MYH6: variants seen among roughly 807,000 people sequenced by gnomAD.
MYH6 encodes the protein myosin-6.
A neutral mutation model predicts 223.2 loss-of-function variants in MYH6; 126 were observed. That is an observed-to-expected ratio of 0.56 (90% CI 0.49 to 0.65). MYH6 has a LOEUF of 0.65. Ranked by LOEUF, MYH6 falls within the 30% of genes least tolerant of loss-of-function variation. MYH6 has a pLI of 0.00. For synonymous variants in MYH6, 978 were observed against 1,010.2 expected (o/e 0.97, Z 0.61); for missense variants, 2,040 against 2,536.4 (o/e 0.80, Z 4.20).
intron 32 of MYH6, 86 bp from the exon 33 acceptor site, chr14:23,386,709 G>T (rs1891038866): frequency 6.8e-7 from 1 of 1,470,012 alleles, no homozygotes; most frequent in African/African-American, 1.4e-5. Flanking sequence ...TGTCAGCCAG[G>T]ACTATCGCCC....
chr14:23,394,351 G>A, intron 20 of MYH6, 28 bp from the exon 21 acceptor site: 1 of 1,613,866 alleles, frequency 6.2e-7, no homozygotes, highest in South Asian at 1.1e-5. Flanking sequence ...AGGCAGGGTG[G>A]GGCACTATAA....
chr14:23,402,663 T>C (rs762538927), intron 11 of MYH6, 34 bp downstream of exon 11: 3 of 1,612,306 alleles, frequency 1.9e-6, no homozygotes, highest in African/African-American at 1.3e-5. Flanking sequence ...GCTCCTGGGG[T>C]CCCTCGAACG....
chr14:23,405,526 T>C lies in MYH6; in HGVS notation c.345+101A>G. ...GGTGGAGGGGGGAAGGGGACTTGGGTCCCTTGGGAGTCTCTCCCCCTCTTC... is the reference window on the plus strand; with the variant it reads ...GGTGGAGGGGGGAAGGGGACTTGGGCCCCTTGGGAGTCTCTCCCCCTCTTC... On this transcript the variant is annotated intron_variant, in intron 4 of 38. Coordinates refer to ENST00000405093, the MANE Select transcript of MYH6 (RefSeq NM_002471.4). The surrounding 1 kb of genome is among the most constrained non-coding windows in gnomAD (Gnocchi z 4.7). 1 of 1,598,026 alleles carries C rather than the reference T, an allele frequency of 6.3e-7. No individual in the cohort carries two copies. The highest frequency in any genetic ancestry group is 8.5e-7 in the Non-Finnish European group (1 of 1,169,778).
intron 25 of MYH6, among the ~76,000 whole-genome samples, chr14:23,391,282 C>T (rs942549213): frequency 6.6e-6 from 1 of 152,182 alleles, no homozygotes; most frequent in South Asian, 2.1e-4. Context: ...AGAGGACCAC[C>T]ATGCCTCTGC....
Position 23,400,762 on chromosome 14 carries a change from G to T in MYH6, c.1357C>A (p.Pro453Thr). 1 of 1,614,236 alleles carries T rather than the reference G, an allele frequency of 6.2e-7. No individual in the cohort carries two copies. ...AGGACTCCTATGAAGTACTGGCGTG[G>T]CTGCTTGGTCTCCAGGGTGGCGTTG... ...RINATLETKQPRQYFIGVLDI... is the reference protein window; with the variant it reads ...RINATLETKQTRQYFIGVLDI... Residue 453 changes from proline to threonine, a missense_variant, in exon 13 of 39, where the codon CCA becomes ACA. By Grantham distance (38) the Pro-to-Thr change is conservative. Coordinates refer to ENST00000405093, the MANE Select transcript of MYH6 (RefSeq NM_002471.4).
rs767944582 is a variant in MYH6 at position 23,389,554 on chromosome 14, T to A, written c.3859+39A>T. On this transcript the variant is annotated intron_variant, in intron 27 of 38. Coordinates refer to ENST00000405093, the MANE Select transcript of MYH6 (RefSeq NM_002471.4). Reference sequence around the variant, plus strand: ...GGCTTGTGGGCCATTTCACAAGTCATGTCCTGCCCTAGGCAGGGGGTTGGT... The same window carrying A: ...GGCTTGTGGGCCATTTCACAAGTCAAGTCCTGCCCTAGGCAGGGGGTTGGT... The A allele has an allele frequency of 3.7e-6, 6 of 1,614,048 alleles. No homozygotes were observed. The African/African-American group carries it at 6.7e-5, about 18-fold the overall frequency.
intron 26 of MYH6, 40 bp downstream of exon 26, chr14:23,390,017 G>T: frequency 6.2e-7 from 1 of 1,613,550 alleles, no homozygotes; most frequent in Non-Finnish European, 8.5e-7. Context: ...AGGCTCCGCT[G>T]TGCAGGGGAG....
intron 32 of MYH6, among the ~76,000 whole-genome samples, chr14:23,387,133 C>G (rs1891053138): frequency 6.6e-6 from 1 of 152,122 alleles, no homozygotes. Context: ...ACAGTTAATT[C>G]CATTTTACAG....
At chr14:23,408,224 A>G in intron 1 of MYH6, 29 bp downstream of exon 1, 1 of 985,218 alleles carries the variant, frequency 1.0e-6, no homozygotes, top group Non-Finnish European at 1.2e-6. Context: ...GACGGGCTGC[A>G]GGGCATCCCA....
At chr14:23,403,515 TG>T (rs959153578) in intron 9 of MYH6, 69 bp from the exon 10 acceptor site, 26 of 1,384,052 alleles carry the variant, frequency 1.9e-5, no homozygotes, top group Non-Finnish European at 2.7e-5. Flanking sequence ...AAGGTGGCCA[TG>T]GGGGCAGAGG....
chr14:23,399,759 C>A, intron 14 of MYH6: 1 of 195,470 alleles, frequency 5.1e-6, no homozygotes, highest in Non-Finnish European at 1.1e-5. Flanking sequence ...GTGGGTCAGA[C>A]AATCCGGGCT....
At chr14:23,382,665 A>G (rs178636) in intron 37 of MYH6, 103 bp from the exon 38 acceptor site, 710,801 of 1,541,602 alleles carry the variant, frequency 0.46, 166,632 homozygotes, top group African/African-American at 0.58. Context: ...AGGCACCCAT[A>G]CCTCATGCAT....
chr14:23,394,783 G>A (rs1016523489), intron 20 of MYH6, among the ~76,000 whole-genome samples: 1 of 152,142 alleles, frequency 6.6e-6, no homozygotes, highest in African/African-American at 2.4e-5. Flanking sequence ...GCCAGGAGCA[G>A]CCGCCACTCT....
chr14:23,383,456 G>A (rs924904456), intron 36 of MYH6, 136 bp from the exon 37 acceptor site: 2 of 716,098 alleles, frequency 2.8e-6, no homozygotes, highest in Non-Finnish European at 4.8e-6. Flanking sequence ...AGAGGTGGTG[G>A]GGAAGATTCT....
intron 14 of MYH6, among the ~76,000 whole-genome samples, chr14:23,399,513 T>C (rs1273977564): frequency 6.6e-6 from 1 of 152,198 alleles, no homozygotes; most frequent in East Asian, 1.9e-4. Flanking sequence ...CTTTTAAGAA[T>C]TTGTTGAAGC....
At position 23,389,434 on chromosome 14, in the gene MYH6, G is replaced by A; in HGVS notation, c.3937C>T (p.Gln1313Ter). The change falls in exon 28 of 39, where the codon CAA becomes TAA. Residue 1313 changes from glutamine (Q) to a stop codon, truncating the protein, a stop_gained. Coordinates refer to ENST00000405093, the MANE Select transcript of MYH6 (RefSeq NM_002471.4). LOFTEE classifies it high-confidence loss of function. ...AGCTGCCTTTTGAGGTCCTCCATTT[G>A]CTGGGTATAAGAGAGCTTCCCCCGG... is the stretch of plus-strand genomic sequence containing the variant. ...LTRGKLSYTQ[Q>*]MEDLKRQLEE... The A allele has an allele frequency of 6.2e-7, 1 of 1,614,134 alleles. No individual in the cohort carries two copies. Among genetic ancestry groups the A allele is most frequent in the Middle Eastern group, 1.6e-4 (1 of 6,062 alleles).
chr14:23,406,163 A>G (rs1891780318), intron 3 of MYH6, among the ~76,000 whole-genome samples: 1 of 152,072 alleles, frequency 6.6e-6, no homozygotes. Flanking sequence ...GCTTTAGGGT[A>G]TCTGTTGCTC....
intron 15 of MYH6, among the ~76,000 whole-genome samples, chr14:23,397,952 C>CTTCTTCTTCTTT (rs1891464494): frequency 5.2e-4 from 47 of 91,232 alleles, no homozygotes; most frequent in Admixed American, 1.1e-3. Context: ...TCTTCTTCTT[C>CTTCTTCTTCTTT]TTCTTCTTCT....
chr14:23,398,111 G>A lies in MYH6; in HGVS notation c.1892-498C>T, dbSNP rs148751403. On this transcript the variant is annotated intron_variant, in intron 15 of 38. Transcript: ENST00000405093. ...TGGCTCACTGCAACCTCCGTCGCCC[G>A]GATTCAAGCAACTTTCCTGCCTCAG... Among the ~76,000 whole-genome samples the A allele has an allele frequency of 2.2e-3, 341 of 151,634 alleles. 1 individual carries two copies. Among genetic ancestry groups the A allele is most frequent in the African/African-American group, 7.4e-3 (306 of 41,296 alleles).
Sources: allele counts gnomAD v4.1 joint callset (sites outside exome capture counted in the v4.1 genomes callset), GRCh38; gene constraint gnomAD v4.1.1; non-coding constraint Gnocchi (gnomAD v3.1); transcripts MANE v1.5; gene names NCBI Gene and HGNC (gene_info 2026-07-23, HGNC 2026-07-21).